RNF175: variants seen among roughly 807,000 people sequenced by gnomAD.
The protein encoded by RNF175 is ring finger protein 175.
RNF175 carries 38 observed loss-of-function variants against 50.0 expected under a neutral mutation model. That is an observed-to-expected ratio of 0.76 (90% CI 0.59 to 1.00). The LOEUF (loss-of-function observed/expected upper bound fraction) is 1.00. RNF175 is among the 50% of genes least tolerant of loss of function. RNF175 has a pLI of 0.00. For synonymous variants in RNF175, 155 were observed against 146.1 expected, an observed-to-expected ratio of 1.06 and a Z score of -0.44; for missense variants, 388 against 409.6, an observed-to-expected ratio of 0.95 and a Z score of 0.46.
intron 3 of RNF175, among the ~76,000 whole-genome samples, chr4:153,730,874 T>C (rs1362575667): frequency 2.0e-5 from 3 of 152,204 alleles, no homozygotes; most frequent in African/African-American, 7.2e-5. Flanking sequence ...TCTCTTCCTG[T>C]AAATCCATAA....
rs2127155083 is a variant in RNF175, at chr4:153,747,433, T to C, written c.246+1212A>G. ...CTGGTTCATTGCTCTTAACTCTGCC[T>C]TCCATAAAGCCCTCCAGCATGGACA... is the stretch of plus-strand genomic sequence containing the variant. On this transcript the variant is annotated intron_variant, in intron 3 of 8. Transcript: ENST00000347063. Among the ~76,000 whole-genome samples, 2 of 152,356 alleles carry C rather than the reference T, an allele frequency of 1.3e-5. 1 individual carries two copies. Among genetic ancestry groups the C allele is most frequent in the South Asian group, 4.1e-4 (2 of 4,830 alleles).
chr4:153,750,602 GTCTC>G (rs770180009), intron 2 of RNF175, among the ~76,000 whole-genome samples: 1 of 152,114 alleles, frequency 6.6e-6, no homozygotes, highest in Non-Finnish European at 1.5e-5. Flanking sequence ...GTGGCTCTTA[GTCTC>G]TCTATTGGAA....
At chr4:153,711,615 G>T (rs1007788674) in intron 8 of RNF175, among the ~76,000 whole-genome samples, 2 of 152,202 alleles carry the variant, frequency 1.3e-5, no homozygotes, top group Non-Finnish European at 2.9e-5. Context: ...GTACAGAAAG[G>T]CTGTCTCTTA....
chr4:153,751,380 G>T, intron 2 of RNF175, 58 bp downstream of exon 2: 1 of 1,192,494 alleles, frequency 8.4e-7, no homozygotes, highest in Non-Finnish European at 1.2e-6. Flanking sequence ...TTTCTCAACT[G>T]TTAAGATAAA....
At chr4:153,725,468 C>A (rs1266776764) in intron 4 of RNF175, among the ~76,000 whole-genome samples, 11 of 152,166 alleles carry the variant, frequency 7.2e-5, no homozygotes, top group Non-Finnish European at 1.5e-4. Context: ...CACTGGTGAC[C>A]CATTTCCCTG....
intron 6 of RNF175, among the ~76,000 whole-genome samples, chr4:153,716,610 T>C (rs915196779): frequency 6.6e-6 from 1 of 152,114 alleles, no homozygotes; most frequent in Non-Finnish European, 1.5e-5. Flanking sequence ...AAAGAAAAGA[T>C]ACAAAAATAT....
chr4:153,739,767 AG>A lies in RNF175; in HGVS notation c.246+8877del, dbSNP rs1401937907. 2.6e-5 allele frequency among the ~76,000 whole-genome samples: 4 copies of A among 152,214 alleles called. No homozygotes were observed. In the East Asian group the frequency reaches 7.7e-4, roughly 29 times the overall value. On this transcript the variant is annotated intron_variant, in intron 3 of 8. Transcript: ENST00000347063. ...TTTTTCCCCTCTCTGGCTGCTTTTA[AG>A]GTTTTCCTTCATCTTTGGCTTTCCG...
intron 2 of RNF175, among the ~76,000 whole-genome samples, chr4:153,749,087 T>C (rs1740152117): frequency 6.6e-6 from 1 of 152,170 alleles, no homozygotes; most frequent in East Asian, 1.9e-4. Flanking sequence ...TTAAGTTAAG[T>C]GATGGGGCTA....
intron 3 of RNF175, chr4:153,748,436 T>G: frequency 6.2e-5 from 26 of 421,930 alleles, no homozygotes; most frequent in East Asian, 3.7e-4. Flanking sequence ...CCCTCCCCCT[T>G]TTCACCCCCC....
At chr4:153,743,820 C>T (rs1739816736) in intron 3 of RNF175, among the ~76,000 whole-genome samples, 1 of 152,184 alleles carries the variant, frequency 6.6e-6, no homozygotes, top group South Asian at 2.1e-4. Flanking sequence ...GCAGGTAGCA[C>T]AGCTTGTGCA....
intron 1 of RNF175, among the ~76,000 whole-genome samples, chr4:153,753,883 T>C (rs1740422593): frequency 6.6e-6 from 1 of 151,122 alleles, no homozygotes; most frequent in Non-Finnish European, 1.5e-5. Flanking sequence ...TAAGAAAATA[T>C]TTTGAGGCTG....
At chr4:153,735,258 T>C (rs2251639) in intron 3 of RNF175, among the ~76,000 whole-genome samples, 25,673 of 149,866 alleles carry the variant, frequency 0.17, 2,930 homozygotes, top group Non-Finnish European at 0.25. Context: ...GAAAATCCAG[T>C]TGTTCCACAA....
intron 6 of RNF175, among the ~76,000 whole-genome samples, chr4:153,718,846 T>C (rs1007771865): frequency 1.3e-5 from 2 of 152,126 alleles, no homozygotes; most frequent in South Asian, 2.1e-4. Flanking sequence ...GGATGGACAA[T>C]TGCTGTGGGG....
chr4:153,754,569 C>T (rs937680940), intron 1 of RNF175, among the ~76,000 whole-genome samples: 2 of 152,176 alleles, frequency 1.3e-5, no homozygotes, highest in African/African-American at 4.8e-5. Flanking sequence ...TGTTTGAGTC[C>T]TAACCCCCAG....
At chr4:153,748,972 C>T (rs1247395093) in intron 2 of RNF175, 186 bp from the exon 3 acceptor site, 1 of 579,832 alleles carries the variant, frequency 1.7e-6, no homozygotes, top group Admixed American at 3.3e-5. Context: ...TTGGTTTCTT[C>T]CCTTTCCCTA....
chr4:153,720,598 T>A (rs1738276984), intron 5 of RNF175: 1 of 310,074 alleles, frequency 3.2e-6, no homozygotes, highest in South Asian at 3.5e-5. Flanking sequence ...CAGGCTCAGC[T>A]ATACGTAGGC....
In RNF175 at chr4:153,748,707, C is replaced by T. The variant is rs144098723; in HGVS notation, c.184G>A (p.Val62Ile). The change falls in exon 3 of 9, where the codon GTT becomes ATT. Residue 62 changes from valine to isoleucine, a missense_variant. By Grantham distance (29) the Val-to-Ile change is conservative. Transcript: ENST00000347063. ...AGCACTATCTGGGCAATGACCAGAA[C>T]GCAGAGGAAGATCAAGATCATTTCC... ...HVEMILIFLC[V>I]LVIAQIVLVQ... 7.3e-4 allele frequency: 1,169 copies of T among 1,608,384 alleles called. 8 individuals carry two copies. The highest frequency in any genetic ancestry group is 4.1e-3 in the African/African-American group (311 of 74,942).
chr4:153,743,767 C>G (rs1178836966), intron 3 of RNF175, among the ~76,000 whole-genome samples: 1 of 152,114 alleles, frequency 6.6e-6, no homozygotes, highest in Non-Finnish European at 1.5e-5. Context: ...CTAAAGGAGT[C>G]AGGGGGAGGT....
intron 6 of RNF175, among the ~76,000 whole-genome samples, chr4:153,717,075 T>G (rs1336815452): frequency 6.6e-6 from 1 of 152,240 alleles, no homozygotes; most frequent in Non-Finnish European, 1.5e-5. Context: ...CAGATTTGAC[T>G]ATTCTCTTCC....
Sources: allele counts gnomAD v4.1 joint callset (sites outside exome capture counted in the v4.1 genomes callset), GRCh38; gene constraint gnomAD v4.1.1; transcripts MANE v1.5; gene names NCBI Gene and HGNC (gene_info 2026-07-23, HGNC 2026-07-21).